The following SAMD4A variants were observed in gnomAD, a reference collection of about 807,000 sequenced individuals.
SAMD4A encodes the protein protein Smaug homolog 1.
Under a neutral mutation model 81.3 loss-of-function variants are expected in SAMD4A, and 33 were observed. That is an observed-to-expected ratio of 0.41 (90% CI 0.31 to 0.54). SAMD4A has a LOEUF of 0.54. Among genes scored for constraint, SAMD4A ranks in the 20% least tolerant of loss-of-function variants. The probability of loss-of-function intolerance (pLI) is 0.37; values close to 1 mark genes in which losing one functional copy is unlikely to be tolerated. For synonymous variants in SAMD4A, 389 were observed against 382.1 expected, an observed-to-expected ratio of 1.02 and a Z score of -0.21; for missense variants, 854 against 951.1, an observed-to-expected ratio of 0.90 and a Z score of 1.34.
At chr14:54,687,319 G>T in intron 2 of SAMD4A, 1 of 456,452 alleles carries the variant, frequency 2.2e-6, no homozygotes, top group Non-Finnish European at 4.4e-6. Context: ...GCAGACTTTG[G>T]ATGTTCTTGG....
At chr14:54,698,950 C>T (rs894587913) in intron 2 of SAMD4A, among the ~76,000 whole-genome samples, 1 of 150,984 alleles carries the variant, frequency 6.6e-6, no homozygotes, top group Non-Finnish European at 1.5e-5. Flanking sequence ...TTTAGGTTGA[C>T]CTTTTGTGGA....
rs1566604959 is a variant in SAMD4A at position 54,724,045 on chromosome 14, G to GAAGGAAGGAAGGAAGGAAGGAAGGAAGA, written c.716-12973_716-12972insGGAAGGAAGGAAGGAAGGAAGAAAGGAA. Among the ~76,000 whole-genome samples the GAAGGAAGGAAGGAAGGAAGGAAGGAAGA allele has an allele frequency of 4.0e-5, 6 of 151,036 alleles. No homozygotes were observed. The South Asian group carries it at 1.2e-3, about 31-fold the overall frequency. ...GGAAGGAAGGAAGGAAGGAAGGAAG[G>GAAGGAAGGAAGGAAGGAAGGAAGGAAGA]AAGGAATAATGCAGGACGCATCTAT... On this transcript the variant is annotated intron_variant, in intron 3 of 12. Transcript: ENST00000554335.
Position 54,702,083 on chromosome 14 carries a change from A to G in SAMD4A, c.218A>G (p.Gln73Arg), listed in dbSNP as rs1464628509. The G allele has an allele frequency of 6.2e-7, 1 of 1,614,102 alleles. No individual in the cohort carries two copies. The part of the protein sequence containing the change: ...NSPGIINQWQ[Q>R]ESKDKVISLL... ...TCAGGAATCATTAACCAATGGCAAC[A>G]GGAATCCAAGGATAAAGTGATTTCC... The change falls in exon 3 of 13, where the codon CAG (glutamine) becomes CGG (arginine). Residue 73 changes from glutamine to arginine, a missense_variant. Transcript: ENST00000554335.
At chr14:54,611,875 TAA>T (rs1179117861) in intron 2 of SAMD4A, among the ~76,000 whole-genome samples, 18 of 120,114 alleles carry the variant, frequency 1.5e-4, no homozygotes, top group Admixed American at 2.6e-4. Flanking sequence ...AGACTCTGTC[TAA>T]AAAAAAAAAA....
At position 54,688,791 on chromosome 14, in the gene SAMD4A, G is replaced by A. The variant is rs533205278; in HGVS notation, c.197-13271G>A. 4.6e-5 allele frequency among the ~76,000 whole-genome samples: 7 copies of A among 152,034 alleles called. No individual in the cohort carries two copies. In the East Asian group the frequency reaches 9.7e-4, roughly 21 times the overall value. On this transcript the variant is annotated intron_variant, in intron 2 of 12. Transcript: ENST00000554335. ...ACCTGGTTTCACATCAGCCTTACTC[G>A]ATCCTCCAAATGCTATCAATTGGAG...
chr14:54,721,471 G>T (rs1329699377), intron 3 of SAMD4A, among the ~76,000 whole-genome samples: 1 of 152,140 alleles, frequency 6.6e-6, no homozygotes, highest in Admixed American at 6.6e-5. Flanking sequence ...AATCTTTAAT[G>T]GGGAGTGTCT....
At chr14:54,602,457 G>A (rs574809998) in intron 2 of SAMD4A, among the ~76,000 whole-genome samples, 7 of 151,958 alleles carry the variant, frequency 4.6e-5, no homozygotes, top group Non-Finnish European at 8.8e-5. Flanking sequence ...TTCTGGTTGC[G>A]TGGAACAGAA....
chr14:54,667,495 G>A (rs938663369), intron 2 of SAMD4A, among the ~76,000 whole-genome samples: 2 of 152,130 alleles, frequency 1.3e-5, no homozygotes, highest in African/African-American at 2.4e-5. Flanking sequence ...TACACATGGT[G>A]ACCAGGACAG....
At chr14:54,581,931 G>A (rs2033480725) in intron 2 of SAMD4A, among the ~76,000 whole-genome samples, 2 of 152,116 alleles carry the variant, frequency 1.3e-5, no homozygotes, top group South Asian at 4.1e-4. Flanking sequence ...CTGAACAAGC[G>A]TTCGTTGGAA....
chr14:54,763,202 A>G (rs1294903774), intron 7 of SAMD4A, among the ~76,000 whole-genome samples: 1 of 130,738 alleles, frequency 7.6e-6, no homozygotes. Flanking sequence ...ATTCTTTTCT[A>G]CAGGCTGGTG....
intron 2 of SAMD4A, among the ~76,000 whole-genome samples, chr14:54,692,297 T>C (rs1033055635): frequency 1.3e-5 from 2 of 152,226 alleles, no homozygotes; most frequent in Non-Finnish European, 2.9e-5. Context: ...TTGTGTGGCA[T>C]GGCTGTTGTT....
At chr14:54,707,257 C>G (rs1052918978) in intron 3 of SAMD4A, among the ~76,000 whole-genome samples, 1 of 151,884 alleles carries the variant, frequency 6.6e-6, no homozygotes, top group Non-Finnish European at 1.5e-5. Context: ...GCATGCACCA[C>G]CACACCCAGA....
At chr14:54,660,888 A>T (rs1371988402) in intron 2 of SAMD4A, among the ~76,000 whole-genome samples, 1 of 152,144 alleles carries the variant, frequency 6.6e-6, no homozygotes. Context: ...TAACATCTGA[A>T]TTTCTGTGTG....
At chr14:54,725,747 A>G (rs939080392) in intron 3 of SAMD4A, among the ~76,000 whole-genome samples, 1 of 152,224 alleles carries the variant, frequency 6.6e-6, no homozygotes, top group African/African-American at 2.4e-5. Context: ...ATTTTTTCCA[A>G]TAATCACATA....
intron 2 of SAMD4A, among the ~76,000 whole-genome samples, chr14:54,614,577 G>C (rs551225612): frequency 6.6e-6 from 1 of 152,018 alleles, no homozygotes; most frequent in Admixed American, 6.6e-5. Context: ...GCCAGTGGTC[G>C]GCACCTTTCC....
At chr14:54,754,963 C>A in intron 6 of SAMD4A, 1 of 474,194 alleles carries the variant, frequency 2.1e-6, no homozygotes, top group Non-Finnish European at 2.8e-6. Flanking sequence ...AGATATGGCA[C>A]CATATGATCT....
intron 2 of SAMD4A, among the ~76,000 whole-genome samples, chr14:54,589,485 G>T (rs1212817571): frequency 2.0e-5 from 3 of 152,120 alleles, no homozygotes; most frequent in Non-Finnish European, 4.4e-5. Flanking sequence ...ACTCAACTAT[G>T]AGCAAAATTA....
chr14:54,750,984 G>A (rs1486075752), intron 5 of SAMD4A, among the ~76,000 whole-genome samples: 3 of 152,232 alleles, frequency 2.0e-5, no homozygotes, highest in Non-Finnish European at 4.4e-5. Flanking sequence ...GAAGATGGCT[G>A]GGTGCGGTGG....
At chr14:54,603,143 C>T (rs562818188) in intron 2 of SAMD4A, among the ~76,000 whole-genome samples, 2 of 152,306 alleles carry the variant, frequency 1.3e-5, no homozygotes, top group Admixed American at 1.3e-4. Flanking sequence ...CACACTGGGG[C>T]CACAAGATGC....
Sources: gnomAD v4.1 joint callset for allele counts (sites outside exome capture counted in the v4.1 genomes callset) on GRCh38, gnomAD v4.1.1 for gene constraint, MANE v1.5 for transcripts, NCBI Gene and HGNC (gene_info 2026-07-23, HGNC 2026-07-21) for gene names.